Variants in AFF2 observed in about 807,000 individuals in gnomAD.
AFF2 encodes the protein AF4/FMR2 family member 2.
In AFF2, 14 loss-of-function variants were observed where a neutral mutation model predicts 76.9. The observed-to-expected ratio is 0.18, with a 90% CI of 0.12 to 0.28. The LOEUF (loss-of-function observed/expected upper bound fraction) is 0.28. Among genes scored for constraint, AFF2 ranks in the 10% least tolerant of loss-of-function variants. The pLI is 1.00. For synonymous variants in AFF2, 398 were observed against 366.7 expected (o/e 1.09, Z -0.98); for missense variants, 868 against 1,001.1 (o/e 0.87, Z 1.79).
At chrX:148,985,306 T>C (rs1459083643) in intron 19 of AFF2, among the ~76,000 whole-genome samples, 1 of 70,910 alleles carries the variant, frequency 1.4e-5, no homozygotes, top group African/African-American at 5.6e-5. Context: ...TTTTTTTTTT[T>C]TTTTTTTTTT....
intron 3 of AFF2, among the ~76,000 whole-genome samples, chrX:148,774,157 C>A (rs1274542153): frequency 1.8e-5 from 2 of 111,596 alleles, no homozygotes; most frequent in African/African-American, 6.5e-5. Context: ...CAACTTTTCC[C>A]AAAAATGAAT....
chrX:148,997,727 G>C lies in AFF2; in HGVS notation c.*6395G>C, dbSNP rs1202374354. The stretch of plus-strand genomic sequence containing the variant: ...GGCATTACACTTACACAGGGACTCT[G>C]AGCACCCCCGTCACCACACCAGACA... On this transcript the variant is annotated 3_prime_UTR_variant, in exon 21 of 21. Coordinates refer to ENST00000370460, the MANE Select transcript of AFF2 (RefSeq NM_002025.4). The C allele has an allele frequency of 3.6e-5, 4 of 111,830 alleles. No homozygotes were observed. Among genetic ancestry groups the C allele is most frequent in the African/African-American group, 6.5e-5 (2 of 30,727 alleles). 9.2% of individuals were successfully genotyped at this position (111,830 alleles called of 1,213,427 possible). A position where few individuals can be genotyped will look rare whatever the true frequency, so the allele number is the denominator to read the frequency against.
intron 1 of AFF2, among the ~76,000 whole-genome samples, chrX:148,602,823 G>GTTT (rs11446506): frequency 4.4e-4 from 44 of 100,992 alleles, no homozygotes; most frequent in African/African-American, 1.6e-3. Flanking sequence ...CACTTCAAAA[G>GTTT]TTTTTTTTTT....
intron 2 of AFF2, among the ~76,000 whole-genome samples, chrX:148,653,547 A>C (rs183010846): frequency 1.8e-5 from 2 of 112,253 alleles, no homozygotes; most frequent in East Asian, 5.6e-4. Flanking sequence ...GATGAAAAAA[A>C]TCATTACAAA....
rs1557288259 is a variant in AFF2 at position 148,962,863 on chromosome X, G to A, written c.2839G>A (p.Gly947Arg). Residue 947 changes from glycine (G) to arginine (R), a missense_variant, in exon 13 of 21, where the codon GGA becomes AGA. This residue lies in a region of AFF2 where 532 missense variants were observed against 564.2 expected (regional missense o/e 0.94). Transcript: ENST00000370460. ...FGQDKNIAMT[G>R]QITSTKPKRT... ...TCAAGACAAAAACATCGCCATGACT[G>A]GACAAATCACATCTACCAAACCTAA... 8.3e-7 allele frequency: 1 copy of A among 1,210,430 alleles called. No homozygotes were observed. Among genetic ancestry groups the A allele is most frequent in the Admixed American group, 2.2e-5 (1 of 45,969 alleles).
intron 1 of AFF2, among the ~76,000 whole-genome samples, chrX:148,573,787 AAGAT>A (rs2053256497): frequency 9.0e-6 from 1 of 111,642 alleles, no homozygotes. Flanking sequence ...GTGAAGCTAA[AAGAT>A]AGAACAAATG....
At chrX:148,847,483 G>A (rs1557274867) in intron 7 of AFF2, among the ~76,000 whole-genome samples, 1 of 112,134 alleles carries the variant, frequency 8.9e-6, no homozygotes, top group African/African-American at 3.2e-5. Flanking sequence ...AAACCATGCT[G>A]TCGAGAATGC....
chrX:148,709,083 A>C (rs1488376939), intron 3 of AFF2, among the ~76,000 whole-genome samples: 1 of 111,778 alleles, frequency 8.9e-6, no homozygotes, highest in Non-Finnish European at 1.9e-5. Flanking sequence ...ATATAATTTT[A>C]TGGCTTTTTC....
At chrX:148,865,504 C>T (rs1270014354) in intron 7 of AFF2, among the ~76,000 whole-genome samples, 4 of 111,920 alleles carry the variant, frequency 3.6e-5, no homozygotes, top group African/African-American at 9.7e-5. Flanking sequence ...CGGGGGCACC[C>T]TCATTTGCAT....
intron 9 of AFF2, among the ~76,000 whole-genome samples, chrX:148,907,464 T>A (rs923023316): frequency 8.9e-6 from 1 of 111,738 alleles, no homozygotes; most frequent in Non-Finnish European, 1.9e-5. Flanking sequence ...AAGTGTCAGC[T>A]GGTCTGAGAC....
chrX:148,549,115 G>A (rs2052961517), intron 1 of AFF2, among the ~76,000 whole-genome samples: 1 of 112,117 alleles, frequency 8.9e-6, no homozygotes, highest in Non-Finnish European at 1.9e-5. Context: ...TTCTAACAGT[G>A]TCCTGAAAAA....
Position 148,541,361 on chromosome X carries a change from A to G in AFF2, c.47+40217A>G, listed in dbSNP as rs1023977625. Among the ~76,000 whole-genome samples, 4 of 112,103 alleles carry G rather than the reference A, an allele frequency of 3.6e-5. No individual in the cohort carries two copies. In the South Asian group the frequency reaches 1.5e-3, roughly 42 times the overall value. On this transcript the variant is annotated intron_variant, in intron 1 of 20. Coordinates refer to ENST00000370460, the MANE Select transcript of AFF2 (RefSeq NM_002025.4). ...ATTCTGATTCCTCGTGCTGACTGGC[A>G]TGAGACAGGGAGCTGGATTGTATTA... is the stretch of plus-strand genomic sequence containing the variant.
At chrX:148,808,519 G>A (rs1461261562) in intron 3 of AFF2, among the ~76,000 whole-genome samples, 1 of 112,167 alleles carries the variant, frequency 8.9e-6, no homozygotes, top group Non-Finnish European at 1.9e-5. Flanking sequence ...GTTATCGGAA[G>A]GATGACTGTA....
At chrX:148,943,764 T>C (rs2071868095) in intron 9 of AFF2, among the ~76,000 whole-genome samples, 1 of 111,933 alleles carries the variant, frequency 8.9e-6, no homozygotes, top group Non-Finnish European at 1.9e-5. Flanking sequence ...TCCCTGAGAT[T>C]TATAGAGAAG....
intron 4 of AFF2, chrX:148,822,428 A>G (rs1280427245): frequency 9.0e-6 from 1 of 111,569 alleles, no homozygotes. Context: ...CAGATGTCGC[A>G]GCCAGATAGT....
At position 148,999,927 on chromosome X, in the gene AFF2, G is replaced by A. The variant is rs1557294007; in HGVS notation, c.*8595G>A. Reference sequence around the variant, plus strand: ...GAAGATGGAGGCCACCTCAACTGGAGAACATGAGCTGAGTTGAGCCCTCAG... The same window carrying A: ...GAAGATGGAGGCCACCTCAACTGGAAAACATGAGCTGAGTTGAGCCCTCAG... On this transcript the variant is annotated 3_prime_UTR_variant, in exon 21 of 21. Transcript: ENST00000370460. The A allele has an allele frequency of 9.0e-6, 1 of 111,534 alleles. No homozygotes were observed. The highest frequency in any genetic ancestry group is 1.9e-5 in the Non-Finnish European group (1 of 53,138). The allele number at this position is 111,534 out of a possible 1,213,427, so 9.2% of individuals were successfully genotyped here.
intron 1 of AFF2, among the ~76,000 whole-genome samples, chrX:148,642,912 T>A (rs1224953466): frequency 8.9e-6 from 1 of 112,569 alleles, no homozygotes; most frequent in Non-Finnish European, 1.9e-5. Context: ...TCACAAGTAT[T>A]CTAAGCTTGT....
intron 8 of AFF2, among the ~76,000 whole-genome samples, chrX:148,904,000 A>G (rs1340267670): frequency 9.0e-6 from 1 of 111,608 alleles, no homozygotes. Context: ...CCACCTCACA[A>G]TTTCCACCTG....
Position 148,510,490 on chromosome X carries a change from G to T in AFF2, c.47+9346G>T, listed in dbSNP as rs184440085. Among the ~76,000 whole-genome samples the T allele has an allele frequency of 3.6e-5, 4 of 111,617 alleles. No homozygotes were observed. In the East Asian group the frequency reaches 1.1e-3, roughly 32 times the overall value. Reference sequence around the variant, plus strand: ...ACCCTAGGATAGATGCTATACTAGTGGCAAGCCCTGCTTGTGCTTGGGCTC... The same window carrying T: ...ACCCTAGGATAGATGCTATACTAGTTGCAAGCCCTGCTTGTGCTTGGGCTC... On this transcript the variant is annotated intron_variant, in intron 1 of 20. Transcript: ENST00000370460.
Sources: gnomAD v4.1 joint callset for allele counts (sites outside exome capture counted in the v4.1 genomes callset) on GRCh38, gnomAD v4.1.1 for gene constraint, gnomAD v4.1.1 regional missense constraint, MANE v1.5 for transcripts, NCBI Gene and HGNC (gene_info 2026-07-23, HGNC 2026-07-21) for gene names.